ZBTB41: variants seen among roughly 807,000 people sequenced by gnomAD.
ZBTB41 encodes the protein zinc finger and BTB domain-containing protein 41.
A neutral mutation model predicts 87.6 loss-of-function variants in ZBTB41; 42 were observed. The observed-to-expected ratio is 0.48, with a 90% CI of 0.37 to 0.62. The LOEUF is 0.62. Among genes scored for constraint, ZBTB41 ranks in the 20% least tolerant of loss-of-function variants. ZBTB41 has a pLI of 0.00. For synonymous variants in ZBTB41, 364 were observed against 364.0 expected, an observed-to-expected ratio of 1.00 and a Z score of 0.00; for missense variants, 799 against 1,078.9, an observed-to-expected ratio of 0.74 and a Z score of 3.63.
chr1:197,169,245 G>T (rs1659422855), intron 10 of ZBTB41, among the ~76,000 whole-genome samples: 1 of 151,856 alleles, frequency 6.6e-6, no homozygotes, highest in South Asian at 2.1e-4. Flanking sequence ...TAAGAGAAAA[G>T]AATGCATATG....
chr1:197,180,304 C>G (rs1315361576), intron 6 of ZBTB41, among the ~76,000 whole-genome samples: 1 of 152,080 alleles, frequency 6.6e-6, no homozygotes, highest in Non-Finnish European at 1.5e-5. Flanking sequence ...GCTATACCAT[C>G]TAGGTTTGCA....
Position 197,180,983 on chromosome 1 carries a change from T to C in ZBTB41, c.1676+5A>G, listed in dbSNP as rs1234361763. The stretch of plus-strand genomic sequence containing the variant: ...ATTTTTGTGGGTGTGCAGATAATTC[T>C]TCACCTTTCTCGTACTGATTTTCCA... On this transcript the variant is annotated splice_donor_5th_base_variant and intron_variant, in intron 6 of 10. Coordinates refer to ENST00000367405, the MANE Select transcript of ZBTB41 (RefSeq NM_194314.3). 21 of 1,586,704 alleles carry C rather than the reference T, an allele frequency of 1.3e-5. No homozygotes were observed. Among genetic ancestry groups the C allele is most frequent in the Non-Finnish European group, 1.7e-5 (20 of 1,173,400 alleles).
At position 197,155,061 on chromosome 1, in the gene ZBTB41, T is replaced by G. The variant is rs1659032754; in HGVS notation, c.*4298A>C. On this transcript the variant is annotated 3_prime_UTR_variant, in exon 11 of 11. Coordinates refer to ENST00000367405, the MANE Select transcript of ZBTB41 (RefSeq NM_194314.3). ...GGCAAACTGAAATAAGGTCATTCAGTGCAGGGCTGTGTAGTTATGGTTACT... is the reference window on the plus strand; with the variant it reads ...GGCAAACTGAAATAAGGTCATTCAGGGCAGGGCTGTGTAGTTATGGTTACT... 1 of 152,324 alleles carries G rather than the reference T, an allele frequency of 6.6e-6. No homozygotes were observed. Among genetic ancestry groups the G allele is most frequent in the African/African-American group, 2.4e-5 (1 of 41,416 alleles). The allele number at this position is 152,324 out of a possible 1,614,324, so 9.4% of individuals were successfully genotyped here. A position where few individuals can be genotyped will look rare whatever the true frequency, so the allele number is the denominator to read the frequency against.
chr1:197,167,529 C>T (rs564071737), intron 10 of ZBTB41, among the ~76,000 whole-genome samples: 1 of 152,036 alleles, frequency 6.6e-6, no homozygotes, highest in Admixed American at 6.6e-5. Flanking sequence ...TTCAATACAC[C>T]ATGAACAGGA....
At chr1:197,162,806 C>T (rs549774980) in intron 10 of ZBTB41, among the ~76,000 whole-genome samples, 34 of 152,196 alleles carry the variant, frequency 2.2e-4, no homozygotes, top group African/African-American at 6.0e-4. Context: ...AGGAAATAGA[C>T]GCCAAGCTGC....
chr1:197,159,352 G>C lies in ZBTB41; in HGVS notation c.*7C>G. 6.2e-7 allele frequency: 1 copy of C among 1,612,374 alleles called. No homozygotes were observed. Among genetic ancestry groups the C allele is most frequent in the Non-Finnish European group, 8.5e-7 (1 of 1,178,804 alleles). Reference sequence around the variant, plus strand: ...CATCCAAAAATCTGTGGAATGTTTAGATTTACTCATGAATGATGCTCATTC... The same window carrying C: ...CATCCAAAAATCTGTGGAATGTTTACATTTACTCATGAATGATGCTCATTC... On this transcript the variant is annotated 3_prime_UTR_variant, in exon 11 of 11. Transcript: ENST00000367405.
In ZBTB41 at chr1:197,154,552, C is replaced by T. The variant is rs1195625566; in HGVS notation, c.*4807G>A. ...TTTCTCATCTTCCACACATCTTAAT[C>T]CTATTACATCTATCTTATTAATGCT... On this transcript the variant is annotated 3_prime_UTR_variant, in exon 11 of 11. Coordinates refer to ENST00000367405, the MANE Select transcript of ZBTB41 (RefSeq NM_194314.3). 6.6e-6 allele frequency: 1 copy of T among 151,968 alleles called. No individual in the cohort carries two copies. Among genetic ancestry groups the T allele is most frequent in the Non-Finnish European group, 1.5e-5 (1 of 67,924 alleles). 9.4% of individuals were successfully genotyped at this position (151,968 alleles called of 1,614,324 possible).
Position 197,192,494 on chromosome 1 carries a change from G to A in ZBTB41, c.1121-595C>T, listed in dbSNP as rs369909284. Among the ~76,000 whole-genome samples, 9 of 152,112 alleles carry A rather than the reference G, an allele frequency of 5.9e-5. No individual in the cohort carries two copies. In the East Asian group the frequency reaches 1.2e-3, roughly 20 times the overall value. Reference sequence around the variant, plus strand: ...CACATAATGCACTTACAACAGTGTCGAACACATAAGTTATCAATTACTGTT... The same window carrying A: ...CACATAATGCACTTACAACAGTGTCAAACACATAAGTTATCAATTACTGTT... On this transcript the variant is annotated intron_variant, in intron 2 of 10. Coordinates refer to ENST00000367405, the MANE Select transcript of ZBTB41 (RefSeq NM_194314.3).
rs780821496 is a variant in ZBTB41, at chr1:197,188,356, G to A, written c.1482C>T (p.Thr494=). 3.7e-6 allele frequency: 6 copies of A among 1,613,714 alleles called. No individual in the cohort carries two copies. The Admixed American group carries it at 5.0e-5, about 13-fold the overall frequency. ...LHSQDKPFKC[T]YCEEHFKSRF... ...GTGATTTAAAATGTTCTTCACAATA[G>A]GTACACTTAAAAGGTTTATCTTGAG... Residue 494 remains threonine (T), a synonymous_variant, in exon 5 of 11, where the codon ACC becomes ACT. Coordinates refer to ENST00000367405, the MANE Select transcript of ZBTB41 (RefSeq NM_194314.3).
chr1:197,168,177 C>T (rs1396409439), intron 10 of ZBTB41, among the ~76,000 whole-genome samples: 1 of 151,328 alleles, frequency 6.6e-6, no homozygotes, highest in East Asian at 1.9e-4. Context: ...ATATCAAATA[C>T]CTAGGCATAA....
At chr1:197,188,064 G>A (rs758118798) in intron 5 of ZBTB41, among the ~76,000 whole-genome samples, 5 of 152,126 alleles carry the variant, frequency 3.3e-5, no homozygotes, top group South Asian at 2.1e-4. Context: ...TGTAACAAAC[G>A]TACCACTCTG....
In ZBTB41 at chr1:197,156,428, T is replaced by C. The variant is rs558990226; in HGVS notation, c.*2931A>G. 2.0e-5 allele frequency: 3 copies of C among 152,348 alleles called. No individual in the cohort carries two copies. The highest frequency in any genetic ancestry group is 4.1e-4 in the South Asian group (2 of 4,826). The allele number at this position is 152,348 out of a possible 1,614,324, so 9.4% of individuals were successfully genotyped here. On this transcript the variant is annotated 3_prime_UTR_variant, in exon 11 of 11. Coordinates refer to ENST00000367405, the MANE Select transcript of ZBTB41 (RefSeq NM_194314.3). ...TAACTGCTATCTGCTAAAAAATTAA[T>C]TTAAAACAATAAATTATGCTCACAA...
At position 197,159,486 on chromosome 1, in the gene ZBTB41, T is replaced by A. The variant is rs924553828; in HGVS notation, c.2603A>T (p.Asn868Ile). The change falls in exon 11 of 11, where the codon AAT becomes ATT. Residue 868 changes from asparagine to isoleucine, a missense_variant. Coordinates refer to ENST00000367405, the MANE Select transcript of ZBTB41 (RefSeq NM_194314.3). ...EKYTLTPQPA[N>I]IVHPVRPEQM... The stretch of plus-strand genomic sequence containing the variant: ...TTCAGGTCGAACTGGGTGAACTATA[T>A]TTGCAGGTTGAGGAGTAAGAGTATA... The A allele has an allele frequency of 6.2e-7, 1 of 1,613,956 alleles. No individual in the cohort carries two copies. The highest frequency in any genetic ancestry group is 1.1e-5 in the South Asian group (1 of 91,082).
At chr1:197,165,817 C>T (rs1385391048) in intron 10 of ZBTB41, among the ~76,000 whole-genome samples, 6 of 152,114 alleles carry the variant, frequency 3.9e-5, no homozygotes, top group Non-Finnish European at 2.9e-5. Flanking sequence ...GATGGCCAAA[C>T]AGGAACAGCT....
intron 5 of ZBTB41, among the ~76,000 whole-genome samples, chr1:197,186,434 C>T (rs567543506): frequency 3.2e-4 from 48 of 152,288 alleles, no homozygotes; most frequent in African/African-American, 9.1e-4. Flanking sequence ...TTAAAATTTT[C>T]CTCTGTCACA....
intron 4 of ZBTB41, among the ~76,000 whole-genome samples, chr1:197,189,661 T>A (rs1659976619): frequency 6.6e-6 from 1 of 152,160 alleles, no homozygotes; most frequent in Non-Finnish European, 1.5e-5. Flanking sequence ...TCTACCCAGG[T>A]TGGAGTGATT....
intron 5 of ZBTB41, among the ~76,000 whole-genome samples, chr1:197,186,892 C>CA (rs1314932029): frequency 6.6e-6 from 1 of 151,032 alleles, no homozygotes; most frequent in Non-Finnish European, 1.5e-5. Flanking sequence ...ACAAAAAAAC[C>CA]AAAAAAAATT....
At position 197,159,160 on chromosome 1, in the gene ZBTB41, C is replaced by T. The variant is rs1379807022; in HGVS notation, c.*199G>A. 3.6e-6 allele frequency: 2 copies of T among 554,854 alleles called. No homozygotes were observed. The highest frequency in any genetic ancestry group is 3.0e-5 in the East Asian group (1 of 33,674). The allele number at this position is 554,854 out of a possible 1,614,324, so 34.4% of individuals were successfully genotyped here. On this transcript the variant is annotated 3_prime_UTR_variant, in exon 11 of 11. Coordinates refer to ENST00000367405, the MANE Select transcript of ZBTB41 (RefSeq NM_194314.3). ...TCTTTAAAAATCACAAAAATGTGCA[C>T]TTCAAATATTATGCCAGAAATTTTG...
At chr1:197,201,184 A>G (rs1248839133) in intron 1 of ZBTB41, among the ~76,000 whole-genome samples, 39 bp downstream of exon 1, 3 of 152,014 alleles carry the variant, frequency 2.0e-5, no homozygotes, top group Admixed American at 2.0e-4. Context: ...TACCCTTCCC[A>G]CCCAGTTTCC....
Sources: allele counts gnomAD v4.1 joint callset (sites outside exome capture counted in the v4.1 genomes callset), GRCh38; gene constraint gnomAD v4.1.1; transcripts MANE v1.5; gene names NCBI Gene and HGNC (gene_info 2026-07-23, HGNC 2026-07-21).